The following EPHB1 variants were observed in gnomAD, a reference collection of about 807,000 sequenced individuals.
EPHB1 encodes the protein ephrin type-B receptor 1.
Under a neutral mutation model 94.4 loss-of-function variants are expected in EPHB1, and 30 were observed. That is an observed-to-expected ratio of 0.32 (90% CI 0.24 to 0.43). The LOEUF is 0.43. Ranked by LOEUF, EPHB1 falls within the 20% of genes least tolerant of loss-of-function variation. The pLI, the probability that EPHB1 is intolerant of heterozygous loss-of-function variation, is 1.00. For missense variants in EPHB1, 1,055 were observed against 1,308.3 expected (o/e 0.81, Z 2.99); for synonymous variants, 522 against 489.1 (o/e 1.07, Z -0.89).
At chr3:134,989,962 C>A (rs1934737477) in intron 3 of EPHB1, among the ~76,000 whole-genome samples, 1 of 152,180 alleles carries the variant, frequency 6.6e-6, no homozygotes, top group African/African-American at 2.4e-5. Context: ...CCCCACCTCC[C>A]AATTTTTACT....
intron 1 of EPHB1, among the ~76,000 whole-genome samples, chr3:134,896,460 A>G (rs1053581403): frequency 6.6e-6 from 1 of 152,216 alleles, no homozygotes; most frequent in African/African-American, 2.4e-5. Context: ...GTGAGCACCC[A>G]ATAATGGTTG....
chr3:135,189,763 C>T (rs1306433936), intron 10 of EPHB1, among the ~76,000 whole-genome samples: 1 of 152,184 alleles, frequency 6.6e-6, no homozygotes, highest in Non-Finnish European at 1.5e-5. Context: ...TTGTGGGGGA[C>T]ATCAAATTCA....
At chr3:135,228,334 C>T (rs1458502910) in intron 12 of EPHB1, among the ~76,000 whole-genome samples, 2 of 152,088 alleles carry the variant, frequency 1.3e-5, no homozygotes, top group Non-Finnish European at 2.9e-5. Flanking sequence ...TTATGTGTTG[C>T]CTAAGTGACA....
chr3:135,132,811 T>C lies in EPHB1; in HGVS notation c.1059T>C (p.Asp353=), dbSNP rs953316942. ...HPPRETGGRD[D]VTYNIICKKC... Reference sequence around the variant, plus strand: ...CAAGGGAGACAGGTGGGCGGGATGATGTGACCTACAACATCATCTGCAAAA... The same window carrying C: ...CAAGGGAGACAGGTGGGCGGGATGACGTGACCTACAACATCATCTGCAAAA... The change falls in exon 5 of 16, where the codon GAT becomes GAC. Residue 353 remains aspartate, a synonymous_variant. Transcript: ENST00000398015. The C allele has an allele frequency of 1.2e-6, 2 of 1,613,998 alleles. No homozygotes were observed. The highest frequency in any genetic ancestry group is 1.7e-6 in the Non-Finnish European group (2 of 1,179,890).
At chr3:134,909,581 T>C (rs954980794) in intron 1 of EPHB1, among the ~76,000 whole-genome samples, 5 of 152,206 alleles carry the variant, frequency 3.3e-5, no homozygotes, top group Non-Finnish European at 7.3e-5. Flanking sequence ...GATCCCATCA[T>C]GTCCAAGCTG....
chr3:134,825,081 A>G (rs7611739), intron 1 of EPHB1, among the ~76,000 whole-genome samples: 1,745 of 152,330 alleles, frequency 0.011, 32 homozygotes, highest in African/African-American at 0.04. Context: ...AGATAACAGG[A>G]ACACAAGCAG....
chr3:135,179,394 C>T (rs1179389368), intron 9 of EPHB1, among the ~76,000 whole-genome samples: 1 of 152,168 alleles, frequency 6.6e-6, no homozygotes, highest in East Asian at 1.9e-4. Context: ...ATCCTCTTCC[C>T]TCTTACAGCC....
rs201660022 is a variant in EPHB1 at position 134,989,984 on chromosome 3, CT to C, written c.805+37939del. On this transcript the variant is annotated intron_variant, in intron 3 of 15. Coordinates refer to ENST00000398015, the MANE Select transcript of EPHB1 (RefSeq NM_004441.5). ...TCCCAATTTTTACTACTTTTAATTTCTTTTTTTATTTTAAGGTTTATAACTT... is the reference window on the plus strand; with the variant it reads ...TCCCAATTTTTACTACTTTTAATTTCTTTTTTATTTTAAGGTTTATAACTT... 5.5e-3 allele frequency among the ~76,000 whole-genome samples: 830 copies of C among 152,130 alleles called. 7 individuals are homozygous for C. Among genetic ancestry groups the C allele is most frequent in the African/African-American group, 0.019 (786 of 41,530 alleles).
intron 12 of EPHB1, among the ~76,000 whole-genome samples, chr3:135,227,535 T>C (rs1454445071): frequency 6.6e-6 from 1 of 152,194 alleles, no homozygotes; most frequent in Non-Finnish European, 1.5e-5. Flanking sequence ...TCCTGAATAT[T>C]ACCTTTCCCC....
At chr3:135,080,558 T>C (rs989112272) in intron 3 of EPHB1, among the ~76,000 whole-genome samples, 6 of 150,972 alleles carry the variant, frequency 4.0e-5, no homozygotes, top group Non-Finnish European at 7.4e-5. Context: ...GAGGAGAGAG[T>C]GGTCCTGGAG....
At chr3:134,864,085 C>G (rs1218853423) in intron 1 of EPHB1, among the ~76,000 whole-genome samples, 3 of 152,200 alleles carry the variant, frequency 2.0e-5, no homozygotes, top group Non-Finnish European at 4.4e-5. Context: ...CCTCTAAGAA[C>G]AACAGAGACG....
intron 4 of EPHB1, among the ~76,000 whole-genome samples, chr3:135,121,194 C>T (rs1316250749): frequency 6.6e-6 from 1 of 152,212 alleles, no homozygotes; most frequent in African/African-American, 2.4e-5. Context: ...GATCCTTTAC[C>T]TGCAAGGCTT....
At chr3:135,049,189 C>T (rs570044955) in intron 3 of EPHB1, among the ~76,000 whole-genome samples, 70 of 152,330 alleles carry the variant, frequency 4.6e-4, no homozygotes, top group African/African-American at 1.7e-3. Context: ...AAAAGCACCT[C>T]CTTGCCTGAA....
chr3:135,093,986 AG>A (rs1287306801), intron 3 of EPHB1, among the ~76,000 whole-genome samples: 1 of 152,194 alleles, frequency 6.6e-6, no homozygotes, highest in Non-Finnish European at 1.5e-5. Context: ...CCCTTATTTT[AG>A]GGCTTTTAAG....
intron 2 of EPHB1, among the ~76,000 whole-genome samples, chr3:134,946,312 A>G (rs1477309317): frequency 6.6e-6 from 1 of 152,084 alleles, no homozygotes; most frequent in African/African-American, 2.4e-5. Context: ...TACACTCAGG[A>G]TGAAGTTCAA....
intron 5 of EPHB1, among the ~76,000 whole-genome samples, chr3:135,148,982 A>G (rs941660020): frequency 6.6e-6 from 1 of 151,922 alleles, no homozygotes; most frequent in African/African-American, 2.4e-5. Context: ...GTCTGATGAC[A>G]CTCTTCTTTG....
rs1941644507 is a variant in EPHB1, at chr3:135,166,074, C to A, written c.1692C>A (p.Ser564Arg). ...TGGTGGCCATCTCTATCGTCTGTAG[C>A]AGGTAGGTCCTCCACTCTCACTTGC... ...VSLVAISIVC[S>R]RKRAYSKEAV... Residue 564 changes from serine to arginine, a missense_variant and splice_region_variant, in exon 8 of 16, where the codon AGC becomes AGA. By Grantham distance (110) the Ser-to-Arg change is moderately radical. Coordinates refer to ENST00000398015, the MANE Select transcript of EPHB1 (RefSeq NM_004441.5). 4 of 1,612,670 alleles carry A rather than the reference C, an allele frequency of 2.5e-6. No homozygotes were observed. Among genetic ancestry groups the A allele is most frequent in the Non-Finnish European group, 3.4e-6 (4 of 1,178,748 alleles).
At chr3:135,076,937 G>A (rs1356444380) in intron 3 of EPHB1, among the ~76,000 whole-genome samples, 2 of 152,176 alleles carry the variant, frequency 1.3e-5, no homozygotes, top group African/African-American at 4.8e-5. Flanking sequence ...GGGGGTAGGA[G>A]CAGTTATGGG....
At chr3:135,149,551 C>A (rs747857039) in intron 5 of EPHB1, among the ~76,000 whole-genome samples, 5 of 152,192 alleles carry the variant, frequency 3.3e-5, no homozygotes, top group African/African-American at 1.2e-4. Context: ...TTTCATAGCA[C>A]ATAAAACAAC....
Sources: gnomAD v4.1 joint callset for allele counts (sites outside exome capture counted in the v4.1 genomes callset) on GRCh38, gnomAD v4.1.1 for gene constraint, MANE v1.5 for transcripts, NCBI Gene and HGNC (gene_info 2026-07-23, HGNC 2026-07-21) for gene names.